The following CDC42BPB variants were observed in gnomAD, a reference collection of about 807,000 sequenced individuals.
CDC42BPB encodes the protein CDC42 binding protein kinase beta, also known as serine/threonine-protein kinase MRCK beta.
CDC42BPB carries 37 observed loss-of-function variants against 214.9 expected under a neutral mutation model. That is an observed-to-expected ratio of 0.17 (90% CI 0.13 to 0.23). CDC42BPB has a LOEUF of 0.23. Ranked by LOEUF, CDC42BPB falls within the 10% of genes least tolerant of loss-of-function variation. CDC42BPB has a pLI of 1.00. For synonymous variants in CDC42BPB, 931 were observed against 884.0 expected (o/e 1.05, Z -0.94); for missense variants, 1,694 against 2,227.0 (o/e 0.76, Z 4.82).
chr14:102,976,012 G>T lies in CDC42BPB; in HGVS notation c.1258C>A (p.Gln420Lys). Reference protein sequence around the residue: ...SDRGSLKSIMQSNTLTKDEDV... With the variant: ...SDRGSLKSIMKSNTLTKDEDV... ...TCATCTTTGGTTAATGTGTTGGACT[G>T]CATTATGCTCTTCAGAGAGCCTCGA... is the stretch of plus-strand genomic sequence containing the variant. The change falls in exon 10 of 37, where the codon CAG becomes AAG. Residue 420 changes from glutamine (Q) to lysine (K), a missense_variant. Physicochemically the swap from Gln to Lys is moderately conservative, Grantham distance 53. This residue lies in a region of CDC42BPB where 462 missense variants were observed against 513.5 expected (regional missense o/e 0.90). Coordinates refer to ENST00000361246, the MANE Select transcript of CDC42BPB (RefSeq NM_006035.4). 6.2e-7 allele frequency: 1 copy of T among 1,614,214 alleles called. No individual in the cohort carries two copies.
chr14:102,945,761 A>G (rs1039791549), intron 28 of CDC42BPB, 37 bp from the exon 29 acceptor site: 2 of 1,594,350 alleles, frequency 1.3e-6, no homozygotes, highest in South Asian at 1.1e-5. Context: ...AAGTCAGTAC[A>G]GCCGACCGTG....
At chr14:103,011,682 T>C (rs114805017) in intron 2 of CDC42BPB, among the ~76,000 whole-genome samples, 2,895 of 152,262 alleles carry the variant, frequency 0.019, 34 homozygotes, top group Middle Eastern at 0.024. Context: ...AGGCAAAGGT[T>C]GCCGTTAGCC....
intron 1 of CDC42BPB, among the ~76,000 whole-genome samples, chr14:103,045,858 A>G (rs1023564332): frequency 2.6e-5 from 4 of 152,186 alleles, no homozygotes; most frequent in African/African-American, 9.6e-5. Context: ...GAGAACAGGA[A>G]TTTTGTTTTC....
chr14:102,954,761 C>T, intron 21 of CDC42BPB, 73 bp from the exon 22 acceptor site: 2 of 1,536,724 alleles, frequency 1.3e-6, no homozygotes, highest in Non-Finnish European at 1.8e-6. Context: ...CTTACAAGTT[C>T]TTTACTAATA....
intron 23 of CDC42BPB, among the ~76,000 whole-genome samples, chr14:102,952,928 C>A (rs1420509406): frequency 6.6e-6 from 1 of 152,242 alleles, no homozygotes; most frequent in Non-Finnish European, 1.5e-5. Context: ...CTCCTGGAGA[C>A]CAGCACCAAC....
intron 1 of CDC42BPB, among the ~76,000 whole-genome samples, chr14:103,030,865 C>T (rs1406008225): frequency 2.0e-5 from 3 of 151,692 alleles, no homozygotes; most frequent in Non-Finnish European, 4.4e-5. Context: ...CATGCACCTA[C>T]AGTCCCAGCT....
intron 6 of CDC42BPB, among the ~76,000 whole-genome samples, chr14:102,985,533 C>T (rs1259152454): frequency 1.3e-5 from 2 of 152,198 alleles, no homozygotes; most frequent in African/African-American, 4.8e-5. Flanking sequence ...CACCCGCCTA[C>T]CAATTAATCA....
At chr14:103,018,553 T>C (rs955909037) in intron 1 of CDC42BPB, among the ~76,000 whole-genome samples, 2 of 152,136 alleles carry the variant, frequency 1.3e-5, no homozygotes. Flanking sequence ...CTAGAGTGGA[T>C]TGTGGCATGG....
chr14:103,042,257 G>A (rs886768984), intron 1 of CDC42BPB, among the ~76,000 whole-genome samples: 3 of 152,080 alleles, frequency 2.0e-5, no homozygotes, highest in Non-Finnish European at 4.4e-5. Flanking sequence ...GTCCAATATG[G>A]GGCTTGTATC....
rs897929210 is a variant in CDC42BPB, at chr14:102,943,583, G to A, written c.4408+308C>T. On this transcript the variant is annotated intron_variant, in intron 30 of 36. Coordinates refer to ENST00000361246, the MANE Select transcript of CDC42BPB (RefSeq NM_006035.4). The surrounding 1 kb of genome is among the most constrained non-coding windows in gnomAD (Gnocchi z 4.6). Reference sequence around the variant, plus strand: ...AAATGAGAGATGAATGCCACGCCCCGTTCTCGGTTCGCCGAGCCCTTCTGC... The same window carrying A: ...AAATGAGAGATGAATGCCACGCCCCATTCTCGGTTCGCCGAGCCCTTCTGC... Among the ~76,000 whole-genome samples the A allele has an allele frequency of 2.0e-5, 3 of 152,150 alleles. No homozygotes were observed. The highest frequency in any genetic ancestry group is 2.1e-4 in the South Asian group (1 of 4,810).
chr14:102,972,267 C>A, intron 12 of CDC42BPB, 106 bp from the exon 13 acceptor site: 1 of 1,541,824 alleles, frequency 6.5e-7, no homozygotes, highest in Non-Finnish European at 8.7e-7. Flanking sequence ...ACAGCCAATG[C>A]TGGTTACAGA....
At chr14:102,987,381 CA>C (rs1894290335) in intron 5 of CDC42BPB, among the ~76,000 whole-genome samples, 2 of 152,370 alleles carry the variant, frequency 1.3e-5, no homozygotes, top group South Asian at 4.1e-4. Context: ...CATGACTCAA[CA>C]GTATGAATGC....
At chr14:102,987,674 AAC>A (rs1412429340) in intron 5 of CDC42BPB, among the ~76,000 whole-genome samples, 1 of 152,180 alleles carries the variant, frequency 6.6e-6, no homozygotes, top group Admixed American at 6.5e-5. Flanking sequence ...CAGAAACAAA[AAC>A]ACAAGGCAAA....
chr14:103,034,530 G>A (rs1256804445), intron 1 of CDC42BPB, among the ~76,000 whole-genome samples: 1 of 152,172 alleles, frequency 6.6e-6, no homozygotes, highest in Non-Finnish European at 1.5e-5. Flanking sequence ...AAGGGAGGTA[G>A]AGGCTGGGTG....
chr14:102,968,940 C>A (rs1297663578), intron 14 of CDC42BPB: 13 of 959,874 alleles, frequency 1.4e-5, no homozygotes, highest in Non-Finnish European at 1.6e-5. Context: ...CTGCCTGGGA[C>A]CCCCGAAGCT....
intron 1 of CDC42BPB, among the ~76,000 whole-genome samples, chr14:103,040,797 A>G (rs778442112): frequency 1.6e-4 from 24 of 152,212 alleles, no homozygotes; most frequent in Non-Finnish European, 2.9e-4. Flanking sequence ...GTGGAAAGGC[A>G]TCTTATGATC....
chr14:102,946,927 G>T, intron 27 of CDC42BPB: 1 of 912,156 alleles, frequency 1.1e-6, no homozygotes, highest in Non-Finnish European at 1.3e-6. Context: ...CGTTAATTCT[G>T]CTTTTGTCAA....
At chr14:102,979,190 C>T (rs938052781) in intron 8 of CDC42BPB, among the ~76,000 whole-genome samples, 11 of 151,180 alleles carry the variant, frequency 7.3e-5, no homozygotes, top group East Asian at 1.9e-4. Context: ...AGCAAGTATT[C>T]GGTGCAAATA....
intron 1 of CDC42BPB, among the ~76,000 whole-genome samples, chr14:103,028,630 C>G (rs1389810211): frequency 6.6e-6 from 1 of 152,206 alleles, no homozygotes; most frequent in Non-Finnish European, 1.5e-5. Flanking sequence ...GCACAGCTGG[C>G]GCTCAACAGG....
Sources: allele counts gnomAD v4.1 joint callset (sites outside exome capture counted in the v4.1 genomes callset), GRCh38; gene constraint gnomAD v4.1.1; regional missense constraint gnomAD v4.1.1; non-coding constraint Gnocchi (gnomAD v3.1); transcripts MANE v1.5; gene names NCBI Gene and HGNC (gene_info 2026-07-23, HGNC 2026-07-21).